Variants in TEX14 observed in about 807,000 individuals in gnomAD.
The protein encoded by TEX14 is inactive serine/threonine-protein kinase TEX14.
Under a neutral mutation model 178.6 loss-of-function variants are expected in TEX14, and 168 were observed. The ratio of observed to expected loss-of-function variants is 0.94; its 90% CI spans 0.83 to 1.07. The LOEUF (loss-of-function observed/expected upper bound fraction) is 1.07. Ranked by LOEUF, TEX14 falls within the 50% of genes least tolerant of loss-of-function variation. The pLI, the probability that TEX14 is intolerant of heterozygous loss-of-function variation, is 0.00. For synonymous variants in TEX14, 626 were observed against 634.1 expected, an observed-to-expected ratio of 0.99 and a Z score of 0.19; for missense variants, 1,730 against 1,753.6, an observed-to-expected ratio of 0.99 and a Z score of 0.24.
chr17:58,571,870 G>C (rs1305043067), intron 24 of TEX14, 51 bp downstream of exon 24: 1 of 1,521,638 alleles, frequency 6.6e-7, no homozygotes, highest in Non-Finnish European at 9.1e-7. Flanking sequence ...TGGGTCACTG[G>C]GCCCTTTGGG....
chr17:58,624,991 T>C (rs2046100683), intron 3 of TEX14, among the ~76,000 whole-genome samples: 1 of 152,162 alleles, frequency 6.6e-6, no homozygotes, highest in Non-Finnish European at 1.5e-5. Context: ...ACTGATCCCA[T>C]TGGTTCTCAC....
intron 7 of TEX14, 48 bp from the exon 8 acceptor site, chr17:58,615,393 T>C (rs2045850487): frequency 8.9e-6 from 10 of 1,121,234 alleles, no homozygotes; most frequent in Non-Finnish European, 1.2e-5. Flanking sequence ...AGCAGCCACT[T>C]ACTCCTTCAA....
At chr17:58,560,570 CT>C (rs2044253673) in intron 29 of TEX14, among the ~76,000 whole-genome samples, 1 of 152,204 alleles carries the variant, frequency 6.6e-6, no homozygotes, top group Non-Finnish European at 1.5e-5. Context: ...ACTAATTAGT[CT>C]TCTAGGGCAG....
chr17:58,659,280 G>A (rs891315828), intron 1 of TEX14: 209 of 927,526 alleles, frequency 2.3e-4, no homozygotes, highest in Non-Finnish European at 2.5e-4. Flanking sequence ...AGGACCAACA[G>A]CGTCTCTCCC....
chr17:58,629,844 A>AT (rs1452304247), intron 3 of TEX14, among the ~76,000 whole-genome samples: 4 of 151,608 alleles, frequency 2.6e-5, no homozygotes, highest in Non-Finnish European at 4.4e-5. Flanking sequence ...GAAAAAAAAA[A>AT]AAAAATAAAT....
intron 11 of TEX14, among the ~76,000 whole-genome samples, chr17:58,602,990 C>T (rs1347243596): frequency 1.3e-5 from 2 of 151,554 alleles, no homozygotes; most frequent in Admixed American, 6.6e-5. Context: ...CGCTTGAACC[C>T]GGGAGGCAGA....
chr17:58,614,433 T>C (rs1054806173), intron 8 of TEX14, among the ~76,000 whole-genome samples: 2 of 152,170 alleles, frequency 1.3e-5, no homozygotes, highest in African/African-American at 4.8e-5. Context: ...GAGGTTGCAG[T>C]GAGCCTAGAT....
chr17:58,670,032 T>C (rs900283032), intron 1 of TEX14, among the ~76,000 whole-genome samples: 2 of 152,182 alleles, frequency 1.3e-5, no homozygotes, highest in Non-Finnish European at 2.9e-5. Flanking sequence ...CCGCAGCCTC[T>C]TTCCAGCCTC....
chr17:58,587,572 T>C lies in TEX14; in HGVS notation c.2788+9A>G, dbSNP rs2045007402. On this transcript the variant is annotated intron_variant, in intron 17 of 31. Coordinates refer to ENST00000349033, the MANE Select transcript of TEX14 (RefSeq NM_031272.5). ...TTTTGTCTAATAAAACCCATGACTTTATACTCACTTTTCCATTTTAAGTGT... is the reference window on the plus strand; with the variant it reads ...TTTTGTCTAATAAAACCCATGACTTCATACTCACTTTTCCATTTTAAGTGT... The C allele has an allele frequency of 1.3e-6, 2 of 1,505,838 alleles. No homozygotes were observed. The highest frequency in any genetic ancestry group is 1.8e-6 in the Non-Finnish European group (2 of 1,090,126). 93.3% of individuals were successfully genotyped at this position (1,505,838 alleles called of 1,614,324 possible).
chr17:58,631,727 ACTCGTGAGAGAACACAAATAT>A (rs957861341), intron 2 of TEX14: 5 of 146,498 alleles, frequency 3.4e-5, no homozygotes, highest in Admixed American at 2.0e-4. Flanking sequence ...CTGCTATCCC[ACTCGTGAGAGAACACAAATAT>A]CTCCCTCTCG....
intron 5 of TEX14, among the ~76,000 whole-genome samples, chr17:58,618,205 T>C (rs1007708074): frequency 6.6e-6 from 1 of 152,222 alleles, no homozygotes; most frequent in Non-Finnish European, 1.5e-5. Flanking sequence ...AAAATTTTAT[T>C]GTTTGAGGCT....
At chr17:58,669,362 A>G (rs562481041) in intron 1 of TEX14, among the ~76,000 whole-genome samples, 1 of 144,364 alleles carries the variant, frequency 6.9e-6, no homozygotes, top group South Asian at 2.2e-4. Context: ...AAAAACAAAC[A>G]AAAAAAAAAA....
chr17:58,684,068 TA>T (rs1341306063), intron 1 of TEX14, among the ~76,000 whole-genome samples: 1 of 151,380 alleles, frequency 6.6e-6, no homozygotes, highest in Non-Finnish European at 1.5e-5. Context: ...CCTACATATA[TA>T]AAAGTATACG....
At chr17:58,587,867 A>AC in intron 16 of TEX14, 29 bp downstream of exon 16, 4 of 775,822 alleles carry the variant, frequency 5.2e-6, no homozygotes, top group Non-Finnish European at 6.1e-6. Context: ...CCGCTCCACC[A>AC]CCAGTTTCCA....
intron 5 of TEX14, among the ~76,000 whole-genome samples, chr17:58,621,272 C>A (rs1274611975): frequency 6.6e-6 from 1 of 152,060 alleles, no homozygotes; most frequent in Non-Finnish European, 1.5e-5. Flanking sequence ...TCTTTTGCAA[C>A]CTTAGTAATA....
Position 58,611,370 on chromosome 17 carries a change from A to T in TEX14, c.1006-31T>A, listed in dbSNP as rs760787161. On this transcript the variant is annotated intron_variant, in intron 9 of 31. Coordinates refer to ENST00000349033, the MANE Select transcript of TEX14 (RefSeq NM_031272.5). ...AGCAAGAGATGAAATGCCACGAAAA[A>T]AAAAAGGACTGGGGCCCTGACACTG... is the stretch of plus-strand genomic sequence containing the variant. 2.6e-6 allele frequency: 4 copies of T among 1,566,292 alleles called. No homozygotes were observed. The East Asian group carries it at 6.7e-5, about 26-fold the overall frequency.
Position 58,593,604 on chromosome 17 carries a change from G to C in TEX14, c.2527C>G (p.Gln843Glu), listed in dbSNP as rs199821469. The C allele has an allele frequency of 6.2e-6, 10 of 1,614,098 alleles. No individual in the cohort carries two copies. In the African/African-American group the frequency reaches 1.1e-4, roughly 17 times the overall value. The stretch of plus-strand genomic sequence containing the variant: ...GTTTCCAAACTGTCCTTGGCTCCTT[G>C]AGTGCACTGAAATTGTTCATCTGTG... ...QNTDEQFQCT[Q>E]GAKDSLETSR... Residue 843 changes from glutamine (Q) to glutamate (E), a missense_variant, in exon 15 of 32, where the codon CAA (glutamine) becomes GAA (glutamate). By Grantham distance (29) the Gln-to-Glu change is conservative (BLOSUM62 2). Coordinates refer to ENST00000349033, the MANE Select transcript of TEX14 (RefSeq NM_031272.5).
intron 5 of TEX14, 113 bp from the exon 6 acceptor site, chr17:58,617,732 C>A: frequency 1.5e-6 from 1 of 672,228 alleles, no homozygotes. Flanking sequence ...TACTGCTAGA[C>A]TTTCTGTTAC....
At position 58,625,907 on chromosome 17, in the gene TEX14, A is replaced by AT. The variant is rs761348331; in HGVS notation, c.252-2896dup. 8.4e-3 allele frequency among the ~76,000 whole-genome samples: 1,205 copies of AT among 144,296 alleles called. 13 individuals are homozygous for AT. The highest frequency in any genetic ancestry group is 0.026 in the African/African-American group (1,034 of 39,438). 94.7% of individuals were successfully genotyped at this position (144,296 alleles called of 152,430 possible). On this transcript the variant is annotated intron_variant, in intron 3 of 31. Coordinates refer to ENST00000349033, the MANE Select transcript of TEX14 (RefSeq NM_031272.5). ...AGGCGCCCGCCACCATGGCTGGCTA[A>AT]TTTTTTTTTTTTTTTAATTTTTAGT...
Sources: allele counts gnomAD v4.1 joint callset (sites outside exome capture counted in the v4.1 genomes callset), GRCh38; gene constraint gnomAD v4.1.1; transcripts MANE v1.5; gene names NCBI Gene and HGNC (gene_info 2026-07-23, HGNC 2026-07-21).